ACCSL: variants seen among roughly 807,000 people sequenced by gnomAD.
ACCSL encodes the protein probable inactive 1-aminocyclopropane-1-carboxylate synthase-like protein 2.
In ACCSL, 55 loss-of-function variants were observed where a neutral mutation model predicts 61.7. That is an observed-to-expected ratio of 0.89 (90% CI 0.72 to 1.12). The LOEUF is 1.12. Ranked by LOEUF, ACCSL falls within the 50% of genes most tolerant of loss-of-function variation. The probability of loss-of-function intolerance (pLI) is 0.00; values close to 1 mark genes in which losing one functional copy is unlikely to be tolerated. For synonymous variants in ACCSL, 258 were observed against 264.3 expected (o/e 0.98, Z 0.23); for missense variants, 632 against 698.0 (o/e 0.91, Z 1.07).
chr11:43,934,088 G>A, the ACCSL span, among the ~76,000 whole-genome samples: 1 of 152,004 alleles, frequency 6.6e-6, no homozygotes, highest in Non-Finnish European at 1.5e-5. Flanking sequence ...CTCCCTCTCT[G>A]TGTGTCTTGG....
the ACCSL span, among the ~76,000 whole-genome samples, chr11:44,037,657 T>TA: frequency 6.6e-6 from 1 of 152,352 alleles, no homozygotes; most frequent in Non-Finnish European, 1.5e-5. Flanking sequence ...GGGTAAATCT[T>TA]CACTCTACTG....
the ACCSL span, among the ~76,000 whole-genome samples, chr11:44,016,407 G>A: frequency 6.6e-6 from 1 of 152,118 alleles, no homozygotes; most frequent in African/African-American, 2.4e-5. Flanking sequence ...CTGGGGGAGG[G>A]GGAATGGGCG....
chr11:44,014,364 C>T, the ACCSL span, among the ~76,000 whole-genome samples: 2 of 152,118 alleles, frequency 1.3e-5, no homozygotes, highest in African/African-American at 4.8e-5. Context: ...GCGGCGATGC[C>T]TCATCGGCTG....
At chr11:44,043,074 C>A (rs1429065243), upstream of ACCSL, among the ~76,000 whole-genome samples, 1 of 151,850 alleles carries the variant, frequency 6.6e-6, no homozygotes, top group Admixed American at 6.6e-5. Flanking sequence ...CAGAGTGAGA[C>A]CCTGTCTCAA....
chr11:43,973,828 TC>T, the ACCSL span: 2 of 152,212 alleles, frequency 1.3e-5, no homozygotes, highest in East Asian at 3.8e-4. Context: ...TCTGTGTTTT[TC>T]ATTTATTAAA....
At chr11:43,938,226 G>A in the ACCSL span, among the ~76,000 whole-genome samples, 1 of 152,288 alleles carries the variant, frequency 6.6e-6, no homozygotes, top group Admixed American at 6.5e-5. Context: ...CCCTTATTCT[G>A]TGTCTCCCTG....
chr11:44,023,041 C>CTTT, the ACCSL span, among the ~76,000 whole-genome samples: 8,289 of 85,992 alleles, frequency 0.096, 551 homozygotes, highest in East Asian at 0.24. Context: ...TCTTCTTCTT[C>CTTT]TTTTTTTTTT....
the ACCSL span, among the ~76,000 whole-genome samples, chr11:43,951,473 T>G: frequency 6.6e-6 from 1 of 152,152 alleles, no homozygotes; most frequent in Admixed American, 6.5e-5. Context: ...GCTCCAGACC[T>G]CTGGGGAGAA....
the ACCSL span, among the ~76,000 whole-genome samples, chr11:43,992,551 G>A: frequency 2.0e-5 from 3 of 152,174 alleles, no homozygotes; most frequent in South Asian, 4.1e-4. Flanking sequence ...GTGTTCCAGA[G>A]CCTAGCACTG....
chr11:43,943,064 A>G, the ACCSL span: 1 of 1,502,506 alleles, frequency 6.7e-7, no homozygotes, highest in Non-Finnish European at 8.9e-7. This position sits in a 1 kb window ranked among gnomAD's most constrained non-coding sequence, Gnocchi z 4.8. Flanking sequence ...GTCTCGCTTC[A>G]AGACGCAGCC....
chr11:44,024,365 A>G, the ACCSL span, among the ~76,000 whole-genome samples: 1 of 151,932 alleles, frequency 6.6e-6, no homozygotes, highest in East Asian at 1.9e-4. Flanking sequence ...CTCAGCCTCC[A>G]TAATTGCATA....
chr11:44,023,402 A>G, the ACCSL span, among the ~76,000 whole-genome samples: 1 of 152,156 alleles, frequency 6.6e-6, no homozygotes, highest in Non-Finnish European at 1.5e-5. Context: ...GTGTCTTTCT[A>G]GAAATTTTTC....
At chr11:44,048,984 C>T (rs1018835824) in intron 1 of ACCSL, among the ~76,000 whole-genome samples, 1 of 152,274 alleles carries the variant, frequency 6.6e-6, no homozygotes, top group Non-Finnish European at 1.5e-5. Flanking sequence ...CATGACCCTC[C>T]AGGCAGGAGG....
chr11:44,052,610 G>C, intron 5 of ACCSL, 52 bp from the exon 6 acceptor site: 1 of 1,519,248 alleles, frequency 6.6e-7, no homozygotes, highest in Non-Finnish European at 9.1e-7. Context: ...CCTGGCAACA[G>C]GCTCTGATTG....
the ACCSL span, chr11:43,925,518 AC>A: frequency 2.2e-6 from 1 of 448,828 alleles, no homozygotes; most frequent in South Asian, 1.6e-5. Flanking sequence ...CTCTGCACCA[AC>A]CGATGAGGGG....
At chr11:44,051,583 G>A in intron 4 of ACCSL, 70 bp from the exon 5 acceptor site, 1 of 1,597,902 alleles carries the variant, frequency 6.3e-7, no homozygotes, top group Non-Finnish European at 8.6e-7. Context: ...CAGGGGGATG[G>A]AGAAAGCATG....
At chr11:44,035,954 A>G in the ACCSL span, among the ~76,000 whole-genome samples, 1 of 151,618 alleles carries the variant, frequency 6.6e-6, no homozygotes, top group African/African-American at 2.4e-5. Context: ...AAAAAAAAAA[A>G]AAAAAAGAAA....
chr11:43,993,233 T>TAGAC, the ACCSL span, among the ~76,000 whole-genome samples: 1 of 152,048 alleles, frequency 6.6e-6, no homozygotes, highest in African/African-American at 2.4e-5. Flanking sequence ...GTCTATTAGG[T>TAGAC]AGACAGAAGG....
At chr11:43,925,371 G>A in the ACCSL span, 4 of 456,112 alleles carry the variant, frequency 8.8e-6, no homozygotes, top group East Asian at 2.1e-4. Context: ...AGAAGGTCAC[G>A]GTGCCTACTG....
Sources: allele counts gnomAD v4.1 joint callset (sites outside exome capture counted in the v4.1 genomes callset), GRCh38; gene constraint gnomAD v4.1.1; non-coding constraint Gnocchi (gnomAD v3.1); transcripts MANE v1.5; gene names NCBI Gene and HGNC (gene_info 2026-07-23, HGNC 2026-07-21).